SUMF1: variants seen among roughly 807,000 people sequenced by gnomAD.
The protein encoded by SUMF1 is sulfatase modifying factor 1.
SUMF1 carries 48 observed loss-of-function variants against 47.6 expected under a neutral mutation model. That is an observed-to-expected ratio of 1.01 (90% CI 0.80 to 1.28). The LOEUF (loss-of-function observed/expected upper bound fraction) is 1.28. Among genes scored for constraint, SUMF1 ranks in the 50% most tolerant of loss-of-function variants. The probability of loss-of-function intolerance (pLI) is 0.00; values close to 1 mark genes in which losing one functional copy is unlikely to be tolerated. For missense variants in SUMF1, 571 were observed against 485.4 expected, an observed-to-expected ratio of 1.18 and a Z score of -1.66; for synonymous variants, 230 against 192.1, an observed-to-expected ratio of 1.20 and a Z score of -1.63.
At chr3:4,175,648 C>T (rs1290488449) in intron 8 of SUMF1, among the ~76,000 whole-genome samples, 1 of 152,172 alleles carries the variant, frequency 6.6e-6, no homozygotes, top group Non-Finnish European at 1.5e-5. Flanking sequence ...AGAATCGCAG[C>T]TCCTTGCCAG....
At chr3:4,187,770 T>C (rs1458129612) in intron 8 of SUMF1, among the ~76,000 whole-genome samples, 1 of 152,150 alleles carries the variant, frequency 6.6e-6, no homozygotes, top group East Asian at 1.9e-4. Flanking sequence ...ATTAGTAAAT[T>C]TCTTCCAATT....
At chr3:4,456,617 A>AAT (rs113780952) in intron 1 of SUMF1, among the ~76,000 whole-genome samples, 2,675 of 124,158 alleles carry the variant, frequency 0.022, 48 homozygotes, top group African/African-American at 0.044. Flanking sequence ...ACACCAGGCT[A>AAT]ATATATATAT....
downstream of SUMF1, among the ~76,000 whole-genome samples, chr3:4,357,600 TA>T (rs1167089314): frequency 6.7e-6 from 1 of 150,228 alleles, no homozygotes; most frequent in Non-Finnish European, 1.5e-5. Context: ...TTTATTTATT[TA>T]TTTATTTATT....
intron 8 of SUMF1, among the ~76,000 whole-genome samples, chr3:4,337,507 G>A (rs951739902): frequency 6.6e-6 from 1 of 152,084 alleles, no homozygotes; most frequent in African/African-American, 2.4e-5. Flanking sequence ...TATAAGGGCA[G>A]CCAGTTACAA....
chr3:4,093,856 AT>A (rs1486004929), intron 8 of SUMF1, among the ~76,000 whole-genome samples: 3 of 152,146 alleles, frequency 2.0e-5, no homozygotes, highest in Non-Finnish European at 4.4e-5. Flanking sequence ...AGGAGTTTGA[AT>A]TTCAGCCTAT....
At chr3:4,321,378 T>C (rs113960346) in intron 8 of SUMF1, among the ~76,000 whole-genome samples, 1,616 of 148,790 alleles carry the variant, frequency 0.011, 20 homozygotes, top group African/African-American at 0.036. Flanking sequence ...AAAAACAGGG[T>C]TCTTTGGAGA....
At chr3:4,259,594 A>T in intron 8 of SUMF1, among the ~76,000 whole-genome samples, 1 of 152,132 alleles carries the variant, frequency 6.6e-6, no homozygotes, top group South Asian at 2.1e-4. Flanking sequence ...AATACATCTC[A>T]GTACCTTGCC....
At chr3:4,272,941 G>T (rs1161383228) in intron 8 of SUMF1, among the ~76,000 whole-genome samples, 1 of 152,034 alleles carries the variant, frequency 6.6e-6, no homozygotes, top group Non-Finnish European at 1.5e-5. Context: ...GAGGCATCGT[G>T]TTACGCACCT....
intron 4 of SUMF1, 128 bp from the exon 5 acceptor site, chr3:4,418,260 G>T: frequency 7.3e-7 from 1 of 1,374,908 alleles, no homozygotes; most frequent in Non-Finnish European, 1.0e-6. Flanking sequence ...TGGTCCTTAA[G>T]TCAAACCCCA....
At chr3:4,080,323 C>A (rs1332220906) in intron 8 of SUMF1, among the ~76,000 whole-genome samples, 2 of 152,070 alleles carry the variant, frequency 1.3e-5, no homozygotes, top group Non-Finnish European at 2.9e-5. Flanking sequence ...GGGCTATGAC[C>A]CACAATGGTC....
At chr3:4,176,181 C>T (rs986119025) in intron 8 of SUMF1, among the ~76,000 whole-genome samples, 1 of 152,066 alleles carries the variant, frequency 6.6e-6, no homozygotes, top group Non-Finnish European at 1.5e-5. Context: ...TCAGGAAATA[C>T]AGAGAACACC....
chr3:4,411,304 ATACT>A (rs1701534130), intron 6 of SUMF1, among the ~76,000 whole-genome samples: 1 of 152,164 alleles, frequency 6.6e-6, no homozygotes, highest in Non-Finnish European at 1.5e-5. Context: ...AGGATAGATG[ATACT>A]TAGACTTTCA....
intron 8 of SUMF1, among the ~76,000 whole-genome samples, chr3:4,347,132 G>A (rs1038565841): frequency 6.6e-6 from 1 of 152,280 alleles, no homozygotes; most frequent in South Asian, 2.1e-4. Flanking sequence ...CATTCCTTCT[G>A]AAACTATTCC....
chr3:4,431,838 G>C (rs751266565), intron 3 of SUMF1, among the ~76,000 whole-genome samples: 1 of 152,120 alleles, frequency 6.6e-6, no homozygotes, highest in Non-Finnish European at 1.5e-5. Flanking sequence ...GCATAATTAA[G>C]AGCATCCCAT....
chr3:4,370,469 T>C (rs1409888211), intron 8 of SUMF1, among the ~76,000 whole-genome samples: 1 of 152,224 alleles, frequency 6.6e-6, no homozygotes, highest in Admixed American at 6.5e-5. Flanking sequence ...GGCATATTTC[T>C]ACCTGTCACT....
chr3:4,253,308 T>C lies in SUMF1; in HGVS notation c.1014+123022A>G, dbSNP rs1001371195. Among the ~76,000 whole-genome samples the C allele has an allele frequency of 1.1e-4, 17 of 151,928 alleles. No individual in the cohort carries two copies. The South Asian group carries it at 1.2e-3, about 11-fold the overall frequency. On this transcript the variant is annotated intron_variant and NMD_transcript_variant, in intron 8 of 12. Coordinates refer to the SUMF1 transcript ENST00000448413. ...TCCGGTCTACAGCTCCCAGCGTGAG[T>C]GACGCAGAAGACAGGTGATTTCTGC...
chr3:4,222,657 T>G (rs924547015), intron 8 of SUMF1, among the ~76,000 whole-genome samples: 6 of 152,104 alleles, frequency 3.9e-5, no homozygotes, highest in African/African-American at 1.4e-4. Flanking sequence ...GAAGCTCATT[T>G]CTAAACTGAG....
At chr3:4,050,701 C>T (rs1301979753) in intron 9 of SUMF1, among the ~76,000 whole-genome samples, 1 of 146,602 alleles carries the variant, frequency 6.8e-6, no homozygotes, top group Non-Finnish European at 1.5e-5. Flanking sequence ...CGAGATCATG[C>T]CACTGCACTC....
intron 1 of SUMF1, among the ~76,000 whole-genome samples, chr3:4,461,972 A>C (rs1053220968): frequency 1.3e-5 from 2 of 152,138 alleles, no homozygotes; most frequent in African/African-American, 4.8e-5. Context: ...TGCCACTGCC[A>C]CTCAAGCCAG....
Sources: allele counts gnomAD v4.1 joint callset (sites outside exome capture counted in the v4.1 genomes callset), GRCh38; gene constraint gnomAD v4.1.1; transcripts MANE v1.5; gene names NCBI Gene and HGNC (gene_info 2026-07-23, HGNC 2026-07-21).